The following ABI3BP variants were observed in gnomAD, a reference collection of about 807,000 sequenced individuals.
ABI3BP encodes the protein ABI family member 3 binding protein.
In ABI3BP, 216 loss-of-function variants were observed where a neutral mutation model predicts 268.6. The observed-to-expected ratio is 0.80, with a 90% confidence interval of 0.72 to 0.90. The LOEUF (loss-of-function observed/expected upper bound fraction) is 0.90, where lower values mean the gene tolerates loss of function less well. ABI3BP is among the 40% of genes least tolerant of loss of function. The pLI is 0.00. For missense variants in ABI3BP, 2,090 were observed against 2,182.4 expected (o/e 0.96, Z 0.84); for synonymous variants, 730 against 730.0 (o/e 1.00, Z 0.00).
Position 100,750,383 on chromosome 3 carries a change from AG to A in ABI3BP, c.*111del. On this transcript the variant is annotated 3_prime_UTR_variant, in exon 68 of 68. Coordinates refer to ENST00000471714, the MANE Select transcript of ABI3BP (RefSeq NM_001375547.2). ...TAAACATCTAGTATTGCTATTAATT[AG>A]ATTGTAGACTTTTATACATAGTAAA... 2 of 693,742 alleles carry A rather than the reference AG, an allele frequency of 2.9e-6. No individual in the cohort carries two copies. 43.0% of individuals were successfully genotyped at this position (693,742 alleles called of 1,614,324 possible).
Position 100,842,871 on chromosome 3 carries a change from A to T in ABI3BP, c.1724-832T>A, listed in dbSNP as rs548276978. Among the ~76,000 whole-genome samples, 3 of 152,330 alleles carry T rather than the reference A, an allele frequency of 2.0e-5. No individual in the cohort carries two copies. In the South Asian group the frequency reaches 6.2e-4, roughly 32 times the overall value. On this transcript the variant is annotated intron_variant, in intron 20 of 67. Coordinates refer to ENST00000471714, the MANE Select transcript of ABI3BP (RefSeq NM_001375547.2). ...ATTGTTTATTTTTGAAATGGAAAGA[A>T]AAAGTTAAGATTCTTTGACTTTTCT... is the stretch of plus-strand genomic sequence containing the variant.
At chr3:100,784,891 T>C (rs1337892401) in intron 57 of ABI3BP, among the ~76,000 whole-genome samples, 4 of 151,208 alleles carry the variant, frequency 2.6e-5, no homozygotes, top group East Asian at 1.9e-4. Context: ...AGGGGGAGGG[T>C]GAGAGGAAGC....
intron 50 of ABI3BP, 38 bp from the exon 51 acceptor site, chr3:100,804,904 C>T (rs778043921): frequency 1.3e-6 from 2 of 1,514,154 alleles, no homozygotes; most frequent in Admixed American, 1.7e-5. Context: ...CATTTGGTTT[C>T]AGCATCTTCC....
At chr3:100,885,426 T>C (rs2041522803) in intron 6 of ABI3BP, 110 bp downstream of exon 6, 4 of 555,534 alleles carry the variant, frequency 7.2e-6, no homozygotes, top group Middle Eastern at 4.2e-4. Context: ...TTCTCCACTG[T>C]TTCATAGCTA....
rs189265918 is a variant in ABI3BP, at chr3:100,987,032, T to A, written c.79+6274A>T. Reference sequence around the variant, plus strand: ...CTAGTAATCTCTCTAGATAACTAGATAATCTAGATAATCACATTAGAGTAT... The same window carrying A: ...CTAGTAATCTCTCTAGATAACTAGAAAATCTAGATAATCACATTAGAGTAT... On this transcript the variant is annotated intron_variant, in intron 1 of 67. Transcript: ENST00000471714. 5.1e-3 allele frequency among the ~76,000 whole-genome samples: 776 copies of A among 152,338 alleles called. 6 individuals carry two copies. Among genetic ancestry groups the A allele is most frequent in the African/African-American group, 0.016 (658 of 41,582 alleles).
chr3:100,993,348 T>C lies in ABI3BP; in HGVS notation c.37A>G (p.Ser13Gly), dbSNP rs1200860065. The change falls in exon 1 of 68, where the codon AGT (serine) becomes GGT (glycine). Residue 13 changes from serine (S) to glycine (G), a missense_variant. Physicochemically the swap from Ser to Gly is moderately conservative, Grantham distance 56 (BLOSUM62 0). Transcript: ENST00000471714. ...SSLGCLLLCG[S>G]ITLALGNAQK... Reference sequence around the variant, plus strand: ...GCATTTCCCAGGGCTAGTGTAATACTTCCACAGAGAAGTAGACACCCCAAA... The same window carrying C: ...GCATTTCCCAGGGCTAGTGTAATACCTCCACAGAGAAGTAGACACCCCAAA... 2.6e-6 allele frequency: 4 copies of C among 1,553,532 alleles called. No homozygotes were observed. The highest frequency in any genetic ancestry group is 3.5e-6 in the Non-Finnish European group (4 of 1,147,856).
chr3:100,863,320 C>G (rs1581000493), intron 12 of ABI3BP: 1 of 157,356 alleles, frequency 6.4e-6, no homozygotes, highest in East Asian at 1.9e-4. Context: ...CTCCCCCAAC[C>G]TCTTTTTTTT....
chr3:100,903,570 A>T (rs1019658450), intron 2 of ABI3BP, among the ~76,000 whole-genome samples: 3 of 152,202 alleles, frequency 2.0e-5, no homozygotes, highest in Non-Finnish European at 4.4e-5. Context: ...AAGAAATATC[A>T]TTTGGATGCT....
chr3:100,780,116 G>T lies in ABI3BP; in HGVS notation c.4240+16C>A. 1 of 1,611,458 alleles carries T rather than the reference G, an allele frequency of 6.2e-7. No individual in the cohort carries two copies. Among genetic ancestry groups the T allele is most frequent in the Non-Finnish European group, 8.5e-7 (1 of 1,178,052 alleles). On this transcript the variant is annotated intron_variant, in intron 58 of 67. Coordinates refer to ENST00000471714, the MANE Select transcript of ABI3BP (RefSeq NM_001375547.2). ...CAGAGCTGAGCTGTCATAAAAGTCA[G>T]CATGTTATTACTTACCTGGCTTTTT...
chr3:100,857,716 G>C (rs762742216), intron 14 of ABI3BP, among the ~76,000 whole-genome samples: 2 of 152,172 alleles, frequency 1.3e-5, no homozygotes, highest in Admixed American at 1.3e-4. Context: ...TATTAGGAAA[G>C]AAATGAATGA....
chr3:100,834,737 G>A lies in ABI3BP; in HGVS notation c.2228C>T (p.Pro743Leu). The stretch of plus-strand genomic sequence containing the variant: ...TGGCGTGGTTTTATGTTTGGGACGT[G>A]GACGACGTGTTCTTGTTCGTTGCGA... ...KTSQRTRTRR[P>L]RPKHKTTPRP... The change falls in exon 29 of 68, where the codon CCA (proline) becomes CTA (leucine). Residue 743 changes from proline to leucine, a missense_variant. Transcript: ENST00000471714. 7 of 1,535,732 alleles carry A rather than the reference G, an allele frequency of 4.6e-6. No individual in the cohort carries two copies. The highest frequency in any genetic ancestry group is 6.1e-6 in the Non-Finnish European group (7 of 1,146,564).
chr3:100,795,779 T>C, intron 53 of ABI3BP, 25 bp downstream of exon 53: 1 of 1,281,292 alleles, frequency 7.8e-7, no homozygotes, highest in Non-Finnish European at 1.0e-6. Flanking sequence ...GAAAACAGAG[T>C]TGGTCAATAT....
At chr3:100,856,748 A>C (rs1038759391) in intron 14 of ABI3BP, among the ~76,000 whole-genome samples, 1 of 152,218 alleles carries the variant, frequency 6.6e-6, no homozygotes, top group Non-Finnish European at 1.5e-5. Flanking sequence ...TTATCAAACT[A>C]GAAACAAAAA....
In ABI3BP at chr3:100,755,023, G is replaced by A. The variant is rs571118258; in HGVS notation, c.4851-332C>T. 2.0e-5 allele frequency among the ~76,000 whole-genome samples: 3 copies of A among 152,272 alleles called. No individual in the cohort carries two copies. In the East Asian group the frequency reaches 5.8e-4, roughly 29 times the overall value. On this transcript the variant is annotated intron_variant, in intron 63 of 67. Transcript: ENST00000471714. ...CAAAGGCTAATTCCAGTAACAAGGAGCCTGTTTCTTTAAGATGTCTCAGCT... is the reference window on the plus strand; with the variant it reads ...CAAAGGCTAATTCCAGTAACAAGGAACCTGTTTCTTTAAGATGTCTCAGCT...
chr3:100,952,572 T>A (rs1357583479), intron 1 of ABI3BP: 1 of 152,148 alleles, frequency 6.6e-6, no homozygotes, highest in East Asian at 1.9e-4. Flanking sequence ...ACAAAACATT[T>A]AGATTTCATT....
intron 54 of ABI3BP, among the ~76,000 whole-genome samples, chr3:100,794,193 C>CT (rs1455216175): frequency 6.6e-6 from 1 of 151,994 alleles, no homozygotes; most frequent in East Asian, 1.9e-4. Flanking sequence ...GCTCTTTTCT[C>CT]TATCACACTC....
intron 4 of ABI3BP, among the ~76,000 whole-genome samples, chr3:100,892,098 T>C (rs1267769526): frequency 3.3e-5 from 5 of 152,262 alleles, no homozygotes; most frequent in Non-Finnish European, 7.3e-5. Flanking sequence ...CAGATATGCA[T>C]TGAGGTATAT....
chr3:100,960,351 T>G (rs1198197173), intron 1 of ABI3BP, among the ~76,000 whole-genome samples: 1 of 152,028 alleles, frequency 6.6e-6, no homozygotes, highest in East Asian at 1.9e-4. Context: ...AAGAGAGAAA[T>G]ACTCAAATAA....
chr3:100,776,077 T>C (rs571778207), intron 59 of ABI3BP, among the ~76,000 whole-genome samples: 29 of 152,258 alleles, frequency 1.9e-4, no homozygotes, highest in Non-Finnish European at 1.3e-4. Context: ...CAACAGTGAC[T>C]CCTCCACTCT....
Sources: allele counts gnomAD v4.1 joint callset (sites outside exome capture counted in the v4.1 genomes callset), GRCh38; gene constraint gnomAD v4.1.1; transcripts MANE v1.5; gene names NCBI Gene and HGNC (gene_info 2026-07-23, HGNC 2026-07-21).